The following VPS13C variants were observed in gnomAD, a reference collection of about 807,000 sequenced individuals.
VPS13C encodes vacuolar protein sorting 13 homolog C.
A neutral mutation model predicts 456.8 loss-of-function variants in VPS13C; 358 were observed. That is an observed-to-expected ratio of 0.78 (90% CI 0.72 to 0.86). VPS13C has a LOEUF of 0.86. Ranked by LOEUF, VPS13C falls within the 40% of genes least tolerant of loss-of-function variation. VPS13C has a pLI of 0.00. For missense variants in VPS13C, 4,818 were observed against 4,385.4 expected, an observed-to-expected ratio of 1.10 and a Z score of -2.79; for synonymous variants, 1,578 against 1,486.7, an observed-to-expected ratio of 1.06 and a Z score of -1.41.
chr15:61,917,674 C>T, intron 59 of VPS13C, 39 bp from the exon 60 acceptor site: 1 of 1,573,070 alleles, frequency 6.4e-7, no homozygotes, highest in Non-Finnish European at 8.6e-7. Flanking sequence ...AGTTTTGATC[C>T]ACAACTTAAA....
At chr15:61,975,155 C>A (rs184948758) in intron 24 of VPS13C, among the ~76,000 whole-genome samples, 1 of 152,148 alleles carries the variant, frequency 6.6e-6, no homozygotes, top group East Asian at 1.9e-4. Flanking sequence ...ATATAAAGCA[C>A]TAAATGCCTA....
Position 61,852,404 on chromosome 15 carries a change from A to T in VPS13C, c.*2053T>A, listed in dbSNP as rs939475564. 2.0e-5 allele frequency: 3 copies of T among 152,226 alleles called. No homozygotes were observed. Among genetic ancestry groups the T allele is most frequent in the South Asian group, 4.1e-4 (2 of 4,830 alleles). 9.4% of individuals were successfully genotyped at this position (152,226 alleles called of 1,614,324 possible). A position where few individuals can be genotyped will look rare whatever the true frequency, so the allele number is the denominator to read the frequency against. On this transcript the variant is annotated 3_prime_UTR_variant, in exon 85 of 85. Coordinates refer to ENST00000644861, the MANE Select transcript of VPS13C (RefSeq NM_020821.3). ...ACCCACAAAGTTTTCACACCTGTAA[A>T]CAATGTGCCAAATGTTTTATTTCTC...
intron 76 of VPS13C, among the ~76,000 whole-genome samples, chr15:61,875,433 C>T (rs1444207731): frequency 1.3e-5 from 2 of 151,948 alleles, no homozygotes; most frequent in Non-Finnish European, 2.9e-5. Context: ...CTTTCAGTGC[C>T]CTATTAGTCC....
intron 74 of VPS13C, 42 bp from the exon 75 acceptor site, chr15:61,877,096 T>C (rs1379437005): frequency 6.8e-7 from 1 of 1,473,760 alleles, no homozygotes; most frequent in Non-Finnish European, 9.2e-7. Context: ...ACTAATATTA[T>C]ATGATAAAAA....
chr15:61,886,387 T>C (rs1301248844), intron 67 of VPS13C, among the ~76,000 whole-genome samples: 2 of 152,162 alleles, frequency 1.3e-5, no homozygotes, highest in Non-Finnish European at 2.9e-5. Context: ...CATAATAAAA[T>C]GATGCTTTTT....
chr15:61,889,144 T>C (rs1896488796), intron 67 of VPS13C, among the ~76,000 whole-genome samples: 1 of 152,082 alleles, frequency 6.6e-6, no homozygotes, highest in Non-Finnish European at 1.5e-5. Flanking sequence ...AATGTTCTTA[T>C]AAATAAAGGT....
intron 1 of VPS13C, among the ~76,000 whole-genome samples, chr15:62,057,714 G>C (rs940320782): frequency 6.6e-6 from 1 of 152,096 alleles, no homozygotes; most frequent in African/African-American, 2.4e-5. Flanking sequence ...AAAATGAGAT[G>C]AAAGAAAGTC....
chr15:61,991,155 G>C (rs1262264706), intron 17 of VPS13C, 61 bp from the exon 18 acceptor site: 1 of 1,283,362 alleles, frequency 7.8e-7, no homozygotes, highest in African/African-American at 1.5e-5. Context: ...TAACTAAAAA[G>C]ACTAACCAAA....
At position 62,010,524 on chromosome 15, in the gene VPS13C, A is replaced by G. The variant is rs778045168; in HGVS notation, c.959T>C (p.Leu320Pro). The part of the protein sequence containing the change: ...YAESELKTPK[L>P]DCNIEIQNIA... ...ATTTTGTATTTCTATGTTGCAATCC[A>G]GTTTGGGCGTTTTGAGCTCTGATTC... The change falls in exon 13 of 85, where the codon CTG becomes CCG. Residue 320 changes from leucine (L) to proline (P), a missense_variant. Coordinates refer to ENST00000644861, the MANE Select transcript of VPS13C (RefSeq NM_020821.3). 16 of 1,613,318 alleles carry G rather than the reference A, an allele frequency of 9.9e-6. No individual in the cohort carries two copies. The highest frequency in any genetic ancestry group is 1.4e-5 in the Non-Finnish European group (16 of 1,179,766).
intron 45 of VPS13C, among the ~76,000 whole-genome samples, chr15:61,944,876 A>C (rs2044551835): frequency 6.6e-6 from 1 of 152,216 alleles, no homozygotes; most frequent in Non-Finnish European, 1.5e-5. Context: ...TGGCAGCCCC[A>C]CTAAGAAGAA....
chr15:61,954,527 G>C lies in VPS13C; in HGVS notation c.4193C>G (p.Ser1398Cys), dbSNP rs764038396. 4 of 1,590,994 alleles carry C rather than the reference G, an allele frequency of 2.5e-6. No homozygotes were observed. Among genetic ancestry groups the C allele is most frequent in the South Asian group, 1.2e-5 (1 of 84,294 alleles). ...TGEIKEPLEISISQDVHDSKN... is the reference protein window; with the variant it reads ...TGEIKEPLEICISQDVHDSKN... ...TGAATCATGTACATCTTGTGATATA[G>C]AGATTTCAAGGGGCTCTTTAATTTC... The change falls in exon 38 of 85, where the codon TCT (serine) becomes TGT (cysteine). Residue 1398 changes from serine to cysteine, a missense_variant. This residue lies in a region of VPS13C where 4,552 missense variants were observed against 4,130.6 expected (regional missense o/e 1.10). Transcript: ENST00000644861.
chr15:62,033,291 A>G, intron 5 of VPS13C, 150 bp downstream of exon 5: 1 of 436,022 alleles, frequency 2.3e-6, no homozygotes. Flanking sequence ...AAAGTGAGTC[A>G]TGAAAATATA....
At chr15:62,057,795 G>T (rs1045391773) in intron 1 of VPS13C, among the ~76,000 whole-genome samples, 1 of 152,164 alleles carries the variant, frequency 6.6e-6, no homozygotes, top group African/African-American at 2.4e-5. Context: ...TTTAATTTCA[G>T]TTGTGAAAAA....
chr15:61,920,590 C>G lies in VPS13C; in HGVS notation c.7120G>C (p.Glu2374Gln). The change falls in exon 56 of 85, where the codon GAG becomes CAG. Residue 2374 changes from glutamate to glutamine, a missense_variant. Around this residue, in one of 3 missense-constraint regions of VPS13C, gnomAD observed 4,552 missense variants for 4,130.6 expected, o/e 1.10. Transcript: ENST00000644861. ...SLLPGDDFIP[E>Q]PQMAIHISSG... The stretch of plus-strand genomic sequence containing the variant: ...GAAATATGAATTGCCATTTGTGGCT[C>G]AGGAATAAAATCATCTCCTGGCAGC... 2.5e-6 allele frequency: 4 copies of G among 1,591,576 alleles called. No homozygotes were observed. The highest frequency in any genetic ancestry group is 3.4e-6 in the Non-Finnish European group (4 of 1,173,484).
chr15:62,022,079 G>C (rs1366338307), intron 8 of VPS13C, among the ~76,000 whole-genome samples: 1 of 151,736 alleles, frequency 6.6e-6, no homozygotes, highest in East Asian at 1.9e-4. Context: ...ATAGTGAATA[G>C]TGCTGAAATG....
In VPS13C at chr15:62,044,205, A is replaced by G. The variant is rs966439300; in HGVS notation, c.144+7T>C. The G allele has an allele frequency of 1.2e-5, 18 of 1,482,070 alleles. No individual in the cohort carries two copies. The highest frequency in any genetic ancestry group is 1.6e-5 in the Non-Finnish European group (17 of 1,079,948). 91.8% of individuals were successfully genotyped at this position (1,482,070 alleles called of 1,614,324 possible). ...TGAGTTATTAGCATAGTTTAAAAAAAACTTACCAGGGCATTTTCTTTTATC... is the reference window on the plus strand; with the variant it reads ...TGAGTTATTAGCATAGTTTAAAAAAGACTTACCAGGGCATTTTCTTTTATC... On this transcript the variant is annotated splice_region_variant and intron_variant, in intron 2 of 84. Transcript: ENST00000644861.
At chr15:62,056,323 C>T (rs1241516768) in intron 1 of VPS13C, among the ~76,000 whole-genome samples, 3 of 152,176 alleles carry the variant, frequency 2.0e-5, no homozygotes, top group South Asian at 2.1e-4. Context: ...TAATAATCCT[C>T]GCTGTACAAT....
intron 63 of VPS13C, among the ~76,000 whole-genome samples, chr15:61,910,881 A>C (rs4775451): frequency 6.6e-6 from 1 of 151,926 alleles, no homozygotes; most frequent in Admixed American, 6.5e-5. Context: ...TAGAATACTA[A>C]GTAAATTCTA....
At position 61,871,673 on chromosome 15, in the gene VPS13C, C is replaced by A. The variant is rs149873497; in HGVS notation, c.10624+316G>T. On this transcript the variant is annotated intron_variant, in intron 79 of 84. Coordinates refer to ENST00000644861, the MANE Select transcript of VPS13C (RefSeq NM_020821.3). ...AACTGGGATTTTGATAAGGGTTGCACTGAATAAGCAATGTGCTTTTTTAAT... is the reference window on the plus strand; with the variant it reads ...AACTGGGATTTTGATAAGGGTTGCAATGAATAAGCAATGTGCTTTTTTAAT... 4.8e-3 allele frequency among the ~76,000 whole-genome samples: 729 copies of A among 152,118 alleles called. 9 individuals carry two copies. Among genetic ancestry groups the A allele is most frequent in the African/African-American group, 0.017 (685 of 41,506 alleles).
Sources: allele counts gnomAD v4.1 joint callset (sites outside exome capture counted in the v4.1 genomes callset), GRCh38; gene constraint gnomAD v4.1.1; regional missense constraint gnomAD v4.1.1; transcripts MANE v1.5; gene names NCBI Gene and HGNC (gene_info 2026-07-23, HGNC 2026-07-21).